Variants in ANKRD26 observed in about 807,000 individuals in gnomAD.
ANKRD26 encodes ankyrin repeat domain-containing protein 26.
Under a neutral mutation model 208.7 loss-of-function variants are expected in ANKRD26, and 141 were observed. The ratio of observed to expected loss-of-function variants is 0.68; its 90% CI spans 0.59 to 0.78. ANKRD26 has a LOEUF of 0.78. Among genes scored for constraint, ANKRD26 ranks in the 30% least tolerant of loss-of-function variants. The pLI is 0.00. For synonymous variants in ANKRD26, 636 were observed against 660.4 expected, an observed-to-expected ratio of 0.96 and a Z score of 0.57; for missense variants, 1,889 against 1,938.7, an observed-to-expected ratio of 0.97 and a Z score of 0.48.
intron 30 of ANKRD26, among the ~76,000 whole-genome samples, chr10:27,017,074 G>C (rs950648468): frequency 1.3e-5 from 2 of 152,144 alleles, no homozygotes; most frequent in Admixed American, 1.3e-4. Context: ...TGCACCTGTA[G>C]TCCCAGCTAT....
chr10:27,079,433 C>T (rs1174947521), intron 6 of ANKRD26, among the ~76,000 whole-genome samples: 1 of 152,208 alleles, frequency 6.6e-6, no homozygotes, highest in East Asian at 1.9e-4. Flanking sequence ...CTAATAGTGA[C>T]AGCCAAGATA....
intron 5 of ANKRD26, among the ~76,000 whole-genome samples, chr10:26,979,622 T>C (rs2052278193): frequency 6.6e-6 from 1 of 152,230 alleles, no homozygotes; most frequent in African/African-American, 2.4e-5. Context: ...TGCTCCTATG[T>C]CAAGTAAGGC....
At chr10:27,097,502 A>AT (rs1240184502) in intron 1 of ANKRD26, among the ~76,000 whole-genome samples, 1 of 152,182 alleles carries the variant, frequency 6.6e-6, no homozygotes, top group East Asian at 1.9e-4. Flanking sequence ...TGTCTGCTAC[A>AT]TAACAGGTAT....
At chr10:26,972,405 C>T (rs2052163554), downstream of ANKRD26, among the ~76,000 whole-genome samples, 1 of 151,748 alleles carries the variant, frequency 6.6e-6, no homozygotes, top group African/African-American at 2.4e-5. Flanking sequence ...AATAAATGTA[C>T]TAAGAAATGT....
chr10:27,041,240 C>T (rs1367521388), intron 20 of ANKRD26, among the ~76,000 whole-genome samples: 2 of 151,074 alleles, frequency 1.3e-5, no homozygotes, highest in Non-Finnish European at 2.9e-5. Context: ...TAGAGAGGAG[C>T]GAGAGGTACA....
the ANKRD26 span, among the ~76,000 whole-genome samples, chr10:26,953,394 T>C: frequency 6.6e-6 from 1 of 152,204 alleles, no homozygotes. Flanking sequence ...ATCGTGCCAC[T>C]GCTCTCCAGT....
intron 9 of ANKRD26, among the ~76,000 whole-genome samples, chr10:27,076,263 TGG>T (rs2055693676): frequency 7.2e-6 from 1 of 138,754 alleles, no homozygotes; most frequent in Non-Finnish European, 1.5e-5. Flanking sequence ...TTTGTTTGTT[TGG>T]TTTTTTTTTT....
intron 23 of ANKRD26, among the ~76,000 whole-genome samples, chr10:27,036,113 C>T (rs1589254320): frequency 6.6e-6 from 1 of 152,056 alleles, no homozygotes; most frequent in South Asian, 2.1e-4. Flanking sequence ...CTAACCCATA[C>T]ACCAACCCAT....
chr10:27,036,523 G>A lies in ANKRD26; in HGVS notation c.2697+663C>T, dbSNP rs551315116. Among the ~76,000 whole-genome samples, 56 of 152,154 alleles carry A rather than the reference G, an allele frequency of 3.7e-4. 2 individuals carry two copies. The South Asian group carries it at 0.011, about 30-fold the overall frequency. ...TGTAGAGTTCCTCTTGGAAAATCAC[G>A]AGATTATTTGTTGTCGCAATAACTT... On this transcript the variant is annotated intron_variant, in intron 23 of 33. Transcript: ENST00000376087.
Position 27,033,277 on chromosome 10 carries a change from A to C in ANKRD26, c.3755T>G (p.Leu1252Ter). Reference sequence around the variant, plus strand: ...CTTTAAATCCTGTGTCTCATCTTCTAAATTAATACGATAACGTGACGTAAC... The same window carrying C: ...CTTTAAATCCTGTGTCTCATCTTCTCAATTAATACGATAACGTGACGTAAC... ...LEVTSRYRIN[L>*]EDETQDLKKK... Residue 1252 changes from leucine to a stop codon, truncating the protein, a stop_gained, in exon 25 of 34, where the codon TTA becomes TGA. Coordinates refer to ENST00000376087, the MANE Select transcript of ANKRD26 (RefSeq NM_014915.3). LOFTEE classifies it high-confidence loss of function. 2 of 1,612,742 alleles carry C rather than the reference A, an allele frequency of 1.2e-6. No individual in the cohort carries two copies. Among genetic ancestry groups the C allele is most frequent in the Non-Finnish European group, 1.7e-6 (2 of 1,179,048 alleles).
At chr10:26,957,398 T>A in the ANKRD26 span, among the ~76,000 whole-genome samples, 3 of 151,882 alleles carry the variant, frequency 2.0e-5, no homozygotes, top group Non-Finnish European at 2.9e-5. Context: ...AAAAAATAAA[T>A]GAATAAAACA....
chr10:27,002,050 T>C (rs1041296538), downstream of ANKRD26, among the ~76,000 whole-genome samples: 3 of 152,238 alleles, frequency 2.0e-5, no homozygotes, highest in Admixed American at 6.5e-5. Flanking sequence ...GAGGCAACCA[T>C]ACGGGGGAAA....
At position 27,014,700 on chromosome 10, in the gene ANKRD26, T is replaced by A; in HGVS notation, c.4518A>T (p.Ala1506=). Residue 1506 remains alanine (A), a synonymous_variant, in exon 31 of 34, where the codon GCA becomes GCT. Coordinates refer to ENST00000376087, the MANE Select transcript of ANKRD26 (RefSeq NM_014915.3). Reference sequence around the variant, plus strand: ...TAAACTGCTCTAAGTTTTCTTGAGATGCTGCTTGTGCCTAAAACAAATTAA... The same window carrying A: ...TAAACTGCTCTAAGTTTTCTTGAGAAGCTGCTTGTGCCTAAAACAAATTAA... ...EVNLFLQAQA[A]SQENLEQFRE... The A allele has an allele frequency of 1.9e-6, 3 of 1,612,418 alleles. No individual in the cohort carries two copies. The highest frequency in any genetic ancestry group is 2.5e-6 in the Non-Finnish European group (3 of 1,179,394).
Position 27,013,057 on chromosome 10 carries a change from T to C in ANKRD26, c.4778A>G (p.Gln1593Arg). ...GAGAGTGGTGAACAAAGATCTGCTC[T>C]GCTGTTTTTCCACAAGAAGTTTGGT... ...VNTKLLVEKQ[Q>R]SRSLFTTLTT... The change falls in exon 32 of 34, where the codon CAG becomes CGG. Residue 1593 changes from glutamine to arginine, a missense_variant. By Grantham distance (43) the Gln-to-Arg change is conservative. Coordinates refer to ENST00000376087, the MANE Select transcript of ANKRD26 (RefSeq NM_014915.3). 1 of 1,614,052 alleles carries C rather than the reference T, an allele frequency of 6.2e-7. No homozygotes were observed. The highest frequency in any genetic ancestry group is 8.5e-7 in the Non-Finnish European group (1 of 1,179,966).
chr10:27,061,254 T>C lies in ANKRD26; in HGVS notation c.1364-12A>G, dbSNP rs1481778810. On this transcript the variant is annotated splice_polypyrimidine_tract_variant and intron_variant, in intron 12 of 33. Transcript: ENST00000376087. ...TATATAAAACACATCTAAGAAATAA[T>C]ACATAATAAGCTTTCAATATTGTAA... 1.3e-6 allele frequency: 2 copies of C among 1,522,504 alleles called. No individual in the cohort carries two copies. The highest frequency in any genetic ancestry group is 9.1e-7 in the Non-Finnish European group (1 of 1,099,100). The allele number at this position is 1,522,504 out of a possible 1,614,324, so 94.3% of individuals were successfully genotyped here.
At chr10:27,075,043 G>C (rs990211714) in intron 9 of ANKRD26, among the ~76,000 whole-genome samples, 1 of 152,242 alleles carries the variant, frequency 6.6e-6, no homozygotes, top group Middle Eastern at 3.4e-3. Flanking sequence ...AATGCTGAGG[G>C]AATCTGTCAA....
At chr10:27,074,004 A>T (rs999835608) in intron 9 of ANKRD26, among the ~76,000 whole-genome samples, 1 of 152,154 alleles carries the variant, frequency 6.6e-6, no homozygotes, top group Admixed American at 6.6e-5. Context: ...TCAAGGGGGG[A>T]AAAATAAATA....
downstream of ANKRD26, among the ~76,000 whole-genome samples, chr10:26,999,807 CAAAAAAAA>C (rs68192322): frequency 4.5e-4 from 34 of 74,774 alleles, no homozygotes; most frequent in African/African-American, 1.5e-3. Context: ...CAAAACCAAC[CAAAAAAAA>C]AAAAAAAAAA....
intron 27 of ANKRD26, among the ~76,000 whole-genome samples, chr10:27,025,664 C>T (rs767257313): frequency 2.6e-4 from 39 of 152,298 alleles, no homozygotes; most frequent in Middle Eastern, 6.8e-3. Context: ...CATACCCTCC[C>T]CTAGGCGTCT....
Sources: gnomAD v4.1 joint callset for allele counts (sites outside exome capture counted in the v4.1 genomes callset) on GRCh38, gnomAD v4.1.1 for gene constraint, MANE v1.5 for transcripts, NCBI Gene and HGNC (gene_info 2026-07-23, HGNC 2026-07-21) for gene names.